The following DNAH9 variants were observed in gnomAD, a reference collection of about 807,000 sequenced individuals.
DNAH9 encodes the protein dynein axonemal heavy chain 9.
In DNAH9, 345 loss-of-function variants were observed where a neutral mutation model predicts 471.6. The observed-to-expected ratio is 0.73, with a 90% CI of 0.67 to 0.80. The LOEUF is 0.80. Ranked by LOEUF, DNAH9 falls within the 30% of genes least tolerant of loss-of-function variation. The pLI is 0.00. For missense variants in DNAH9, 5,407 were observed against 5,609.2 expected (o/e 0.96, Z 1.15); for synonymous variants, 2,093 against 2,123.6 (o/e 0.99, Z 0.40).
chr17:11,834,349 AG>A (rs1372602387), intron 48 of DNAH9, among the ~76,000 whole-genome samples: 292 of 143,022 alleles, frequency 2.0e-3, no homozygotes, highest in African/African-American at 7.1e-3. Flanking sequence ...AAAAAAAAAA[AG>A]AAGAAGAAGA....
In DNAH9 at chr17:11,937,746, G is replaced by C. The variant is rs34309565; in HGVS notation, c.12660+224G>C. Among the ~76,000 whole-genome samples, 3,012 of 152,248 alleles carry C rather than the reference G, an allele frequency of 0.02. 50 individuals are homozygous for C. Among genetic ancestry groups the C allele is most frequent in the Middle Eastern group, 0.078 (23 of 294 alleles). On this transcript the variant is annotated intron_variant, in intron 66 of 68. Coordinates refer to ENST00000262442, the MANE Select transcript of DNAH9 (RefSeq NM_001372.4). This position sits in a 1 kb window ranked among gnomAD's most constrained non-coding sequence, Gnocchi z 4.1. ...AAATCATAGGAAGTCCCTGCCATTG[G>C]GTTCAGCAGTTTTCTTTGCCAGTCC...
intron 67 of DNAH9, chr17:11,953,956 A>G (rs1433157527): frequency 6.6e-6 from 1 of 152,080 alleles, no homozygotes. Flanking sequence ...GAAAAATACA[A>G]TATTGATATG....
Position 11,598,697 on chromosome 17 carries a change from G to GGGCCGC in DNAH9, c.206_211dup (p.Arg69_Pro70dup). On this transcript the variant is annotated inframe_insertion, in exon 1 of 69. Transcript: ENST00000262442. Reference sequence around the variant, plus strand: ...CTTCCTGGGCCGCGATGCTGCCGAGGGGCCGCGGCCGCTGCTGGTGGTGCG... The same window carrying GGGCCGC: ...CTTCCTGGGCCGCGATGCTGCCGAGGGGCCGCGGCCGCGGCCGCTGCTGGTGGTGCG... 9 of 1,372,380 alleles carry GGGCCGC rather than the reference G, an allele frequency of 6.6e-6. No individual in the cohort carries two copies. The highest frequency in any genetic ancestry group is 8.4e-6 in the Non-Finnish European group (9 of 1,069,662). The allele number at this position is 1,372,380 out of a possible 1,614,324, so 85.0% of individuals were successfully genotyped here.
intron 38 of DNAH9, among the ~76,000 whole-genome samples, chr17:11,779,507 G>A (rs547972598): frequency 2.2e-4 from 33 of 152,182 alleles, no homozygotes; most frequent in South Asian, 6.2e-4. Context: ...AATCCCGTGC[G>A]CTCCATGGCC....
intron 18 of DNAH9, 55 bp from the exon 19 acceptor site, chr17:11,680,668 A>G: frequency 1.3e-6 from 2 of 1,497,598 alleles, no homozygotes; most frequent in African/African-American, 1.4e-5. Context: ...GCTCAGGACT[A>G]TGGGAGAGGA....
At chr17:11,910,614 C>T (rs4792195) in intron 61 of DNAH9, among the ~76,000 whole-genome samples, 26,874 of 152,082 alleles carry the variant, frequency 0.18, 2,580 homozygotes, top group African/African-American at 0.25. Context: ...TTATGTTTAA[C>T]TCTAAGGAAC....
rs757562132 is a variant in DNAH9 at position 11,611,763 on chromosome 17, A to G, written c.887A>G (p.Tyr296Cys). 1.9e-6 allele frequency: 3 copies of G among 1,614,100 alleles called. No individual in the cohort carries two copies. In the African/African-American group the frequency reaches 4.0e-5, roughly 22 times the overall value. The change falls in exon 4 of 69, where the codon TAC becomes TGC. Residue 296 changes from tyrosine to cysteine, a missense_variant. By Grantham distance (194) the Tyr-to-Cys change is radical (BLOSUM62 -2). Coordinates refer to ENST00000262442, the MANE Select transcript of DNAH9 (RefSeq NM_001372.4). ...SSYFPAFKAM[Y>C]RDVVAALAEA... Reference sequence around the variant, plus strand: ...TACTTTCCAGCTTTCAAAGCCATGTACAGAGATGTTGTTGCAGGTGAGGAC... The same window carrying G: ...TACTTTCCAGCTTTCAAAGCCATGTGCAGAGATGTTGTTGCAGGTGAGGAC...
Position 11,883,619 on chromosome 17 carries a change from A to C in DNAH9, c.10840A>C (p.Ile3614Leu), listed in dbSNP as rs1250071865. 6.2e-7 allele frequency: 1 copy of C among 1,614,160 alleles called. No individual in the cohort carries two copies. Among genetic ancestry groups the C allele is most frequent in the South Asian group, 1.1e-5 (1 of 91,074 alleles). Residue 3614 changes from isoleucine to leucine, a missense_variant, in exon 56 of 69, where the codon ATT becomes CTT. Transcript: ENST00000262442. ...CACAAAGCAGCAGAATGGATTCAAAATTACCCTGAAAACGTTGGAAGACAG... is the reference window on the plus strand; with the variant it reads ...CACAAAGCAGCAGAATGGATTCAAACTTACCCTGAAAACGTTGGAAGACAG... Reference protein sequence around the residue: ...DLTKQQNGFKITLKTLEDSLL... With the variant: ...DLTKQQNGFKLTLKTLEDSLL...
At position 11,689,828 on chromosome 17, in the gene DNAH9, T is replaced by C; in HGVS notation, c.4006T>C (p.Cys1336Arg). 1 of 1,613,578 alleles carries C rather than the reference T, an allele frequency of 6.2e-7. No homozygotes were observed. The highest frequency in any genetic ancestry group is 1.1e-5 in the South Asian group (1 of 91,010). The change falls in exon 20 of 69, where the codon TGC (cysteine) becomes CGC (arginine). Residue 1336 changes from cysteine (C) to arginine (R), a missense_variant. By Grantham distance (180) the Cys-to-Arg change is radical (BLOSUM62 -3). Coordinates refer to ENST00000262442, the MANE Select transcript of DNAH9 (RefSeq NM_001372.4). Reference protein sequence around the residue: ...NINVEAMELECKQFARHIRNL... With the variant: ...NINVEAMELERKQFARHIRNL... ...CAACGTGGAAGCCATGGAGTTGGAG[T>C]GCAAACAGTTTGCCCGGCATATCCG...
At position 11,962,391 on chromosome 17, in the gene DNAH9, C is replaced by A; in HGVS notation, c.13233+135C>A. On this transcript the variant is annotated intron_variant, in intron 68 of 68. Transcript: ENST00000262442. The surrounding 1 kb of genome is among the most constrained non-coding windows in gnomAD (Gnocchi z 4.1). Reference sequence around the variant, plus strand: ...GCTAACCTTCTTTCCTTGAGGCCATCAGGCCATTTTTATTTAGCCAGGGGT... The same window carrying A: ...GCTAACCTTCTTTCCTTGAGGCCATAAGGCCATTTTTATTTAGCCAGGGGT... 1.5e-6 allele frequency: 2 copies of A among 1,377,568 alleles called. No homozygotes were observed. The highest frequency in any genetic ancestry group is 1.6e-5 in the South Asian group (1 of 62,690). 85.3% of individuals were successfully genotyped at this position (1,377,568 alleles called of 1,614,324 possible). A position where few individuals can be genotyped will look rare whatever the true frequency, so the allele number is the denominator to read the frequency against.
intron 59 of DNAH9, among the ~76,000 whole-genome samples, chr17:11,897,389 A>T (rs1229998252): frequency 6.6e-6 from 1 of 152,208 alleles, no homozygotes; most frequent in Non-Finnish European, 1.5e-5. Context: ...TCTACACTTG[A>T]ATTTGAAGAC....
At chr17:11,711,213 A>C (rs2074822247) in intron 26 of DNAH9, among the ~76,000 whole-genome samples, 1 of 152,128 alleles carries the variant, frequency 6.6e-6, no homozygotes, top group South Asian at 2.1e-4. Flanking sequence ...GCCCATCCTG[A>C]GCCTCGTCCC....
At chr17:11,602,801 A>G (rs2150626009) in intron 1 of DNAH9, among the ~76,000 whole-genome samples, 1 of 152,102 alleles carries the variant, frequency 6.6e-6, no homozygotes. Flanking sequence ...TGCATTCCCA[A>G]CAACCACCAA....
At chr17:11,846,598 A>G (rs113534457) in intron 49 of DNAH9, among the ~76,000 whole-genome samples, 318 of 145,250 alleles carry the variant, frequency 2.2e-3, no homozygotes, top group South Asian at 0.019. Context: ...CTTGGGCAGT[A>G]TGGCCATTTT....
chr17:11,598,673 T>G lies in DNAH9; in HGVS notation c.175T>G (p.Phe59Val). The G allele has an allele frequency of 7.3e-7, 1 of 1,365,254 alleles. No homozygotes were observed. Among genetic ancestry groups the G allele is most frequent in the Non-Finnish European group, 9.4e-7 (1 of 1,065,514 alleles). 84.6% of individuals were successfully genotyped at this position (1,365,254 alleles called of 1,614,324 possible). A position where few individuals can be genotyped will look rare whatever the true frequency, so the allele number is the denominator to read the frequency against. Residue 59 changes from phenylalanine to valine, a missense_variant, in exon 1 of 69, where the codon TTC becomes GTC. By Grantham distance (50) the Phe-to-Val change is conservative. Around this residue, in one of 3 missense-constraint regions of DNAH9, gnomAD observed 767 missense variants for 692.5 expected, o/e 1.11. Coordinates refer to ENST00000262442, the MANE Select transcript of DNAH9 (RefSeq NM_001372.4). ...SAEAEQLLQA[F>V]LGRDAAEGPR... Reference sequence around the variant, plus strand: ...TGAGGCGGAGCAGCTGCTCCAGGCCTTCCTGGGCCGCGATGCTGCCGAGGG... The same window carrying G: ...TGAGGCGGAGCAGCTGCTCCAGGCCGTCCTGGGCCGCGATGCTGCCGAGGG...
At chr17:11,841,481 A>T (rs1971028883) in intron 49 of DNAH9, among the ~76,000 whole-genome samples, 1 of 152,216 alleles carries the variant, frequency 6.6e-6, no homozygotes, top group South Asian at 2.1e-4. Context: ...GTAGGGGAAC[A>T]GTCACTTATG....
chr17:11,745,014 A>G lies in DNAH9; in HGVS notation c.6329A>G (p.Asn2110Ser), dbSNP rs757070074. ...ALDVPRRRDP[N>S]FEALVRKAIV... is the part of the protein sequence containing the mutation. ...GATGTCCCCCGGAGGAGAGACCCCA[A>G]CTTCGAAGCTTTGGTTAGGAAGGCG... Residue 2110 changes from asparagine to serine, a missense_variant, in exon 31 of 69, where the codon AAC becomes AGC. Physicochemically the swap from Asn to Ser is conservative, Grantham distance 46. Around this residue, in one of 3 missense-constraint regions of DNAH9, gnomAD observed 4,636 missense variants for 4,900.3 expected, o/e 0.95. Coordinates refer to ENST00000262442, the MANE Select transcript of DNAH9 (RefSeq NM_001372.4). 6.8e-6 allele frequency: 11 copies of G among 1,613,990 alleles called. No homozygotes were observed. In the Admixed American group the frequency reaches 8.3e-5, roughly 12 times the overall value.
intron 17 of DNAH9, among the ~76,000 whole-genome samples, chr17:11,676,275 C>CTTTTTTTTTTTTTTT (rs67397847): frequency 2.7e-5 from 2 of 73,880 alleles, no homozygotes; most frequent in African/African-American, 4.8e-5. Flanking sequence ...CATTTCTGTT[C>CTTTTTTTTTTTTTTT]TTTTTTTTTT....
chr17:11,854,346 C>G lies in DNAH9; in HGVS notation c.9851C>G (p.Pro3284Arg). Residue 3284 changes from proline (P) to arginine (R), a missense_variant, in exon 50 of 69, where the codon CCC (proline) becomes CGC (arginine). Pro to Arg is a moderately radical substitution (Grantham distance 103, BLOSUM62 -2). Around this residue, in one of 3 missense-constraint regions of DNAH9, gnomAD observed 4,636 missense variants for 4,900.3 expected, o/e 0.95. Coordinates refer to ENST00000262442, the MANE Select transcript of DNAH9 (RefSeq NM_001372.4). ...RFYEVFCDVEPKRQALNKATA... is the reference protein window; with the variant it reads ...RFYEVFCDVERKRQALNKATA... ...TATGAGGTGTTCTGTGATGTGGAAC[C>G]CAAGCGCCAGGCACTGAACAAAGCC... 2 of 1,614,014 alleles carry G rather than the reference C, an allele frequency of 1.2e-6. No homozygotes were observed. Among genetic ancestry groups the G allele is most frequent in the Non-Finnish European group, 1.7e-6 (2 of 1,180,012 alleles).
Sources: gnomAD v4.1 joint callset for allele counts (sites outside exome capture counted in the v4.1 genomes callset) on GRCh38, gnomAD v4.1.1 for gene constraint, gnomAD v4.1.1 regional missense constraint, Gnocchi (gnomAD v3.1) non-coding constraint, MANE v1.5 for transcripts, NCBI Gene and HGNC (gene_info 2026-07-23, HGNC 2026-07-21) for gene names.